FASTK: variants seen among roughly 807,000 people sequenced by gnomAD.
The protein encoded by FASTK is Fas activated serine/threonine kinase.
In FASTK, 28 loss-of-function variants were observed where a neutral mutation model predicts 60.0. That is an observed-to-expected ratio of 0.47 (90% CI 0.35 to 0.64). FASTK has a LOEUF of 0.64. Ranked by LOEUF, FASTK falls within the 30% of genes least tolerant of loss-of-function variation. The probability of loss-of-function intolerance (pLI) is 0.01; values close to 1 mark genes in which losing one functional copy is unlikely to be tolerated. For synonymous variants in FASTK, 325 were observed against 307.9 expected (o/e 1.06, Z -0.58); for missense variants, 595 against 713.8 (o/e 0.83, Z 1.90).
rs1404305955 is a variant in FASTK at position 151,079,693 on chromosome 7, C to T, written c.312G>A (p.Gln104=). The T allele has an allele frequency of 2.5e-6, 4 of 1,605,494 alleles. No homozygotes were observed. Among genetic ancestry groups the T allele is most frequent in the Non-Finnish European group, 8.5e-7 (1 of 1,176,670 alleles). Residue 104 remains glutamine (Q), a synonymous_variant, in exon 2 of 10, where the codon CAG becomes CAA. Coordinates refer to ENST00000297532, the MANE Select transcript of FASTK (RefSeq NM_006712.5). ...GGTGGGCGCGCACCTTGCTGGGGTT[C>T]TGGCCCAGCCAGCGCAGCAGCTCCC... is the stretch of plus-strand genomic sequence containing the variant. ...SPGELLRWLG[Q]NPSKVRAHHY... is the part of the protein sequence containing the mutation.
chr7:151,078,478 G>C (rs1180986225), intron 4 of FASTK, 84 bp downstream of exon 4: 8 of 1,475,482 alleles, frequency 5.4e-6, no homozygotes, highest in Non-Finnish European at 7.5e-6. Context: ...TCAGGAAAAG[G>C]ATAGCCGAGC....
chr7:151,079,357 C>T, intron 2 of FASTK, 143 bp downstream of exon 2: 1 of 808,816 alleles, frequency 1.2e-6, no homozygotes, highest in Non-Finnish European at 1.9e-6. Flanking sequence ...ATGATGTCTG[C>T]CGCAGACATA....
intron 1 of FASTK, 102 bp from the exon 2 acceptor site, chr7:151,080,024 G>T (rs1797900907): frequency 9.2e-7 from 1 of 1,087,920 alleles, no homozygotes; most frequent in South Asian, 1.6e-5. Flanking sequence ...CCTGTGGTCA[G>T]AGCAAGCCTT....
rs747666211 is a variant in FASTK at position 151,079,485 on chromosome 7, C to G, written c.505+15G>C. 1.6e-5 allele frequency: 25 copies of G among 1,572,062 alleles called. No homozygotes were observed. The South Asian group carries it at 2.8e-4, about 18-fold the overall frequency. On this transcript the variant is annotated intron_variant, in intron 2 of 9. Coordinates refer to ENST00000297532, the MANE Select transcript of FASTK (RefSeq NM_006712.5). Reference sequence around the variant, plus strand: ...CACCTAGCCCCCCAGGCGCCCACCTCAAGCCCCTCCTCACCAAGTAAGACT... The same window carrying G: ...CACCTAGCCCCCCAGGCGCCCACCTGAAGCCCCTCCTCACCAAGTAAGACT...
intron 1 of FASTK, chr7:151,080,240 G>A (rs760286552): frequency 5.2e-6 from 2 of 386,264 alleles, no homozygotes; most frequent in Non-Finnish European, 9.3e-6. Flanking sequence ...CGCAGGCCCA[G>A]AGCAGCGAAG....
At chr7:151,079,250 T>C in intron 2 of FASTK, 1 of 586,130 alleles carries the variant, frequency 1.7e-6, no homozygotes, top group South Asian at 2.5e-5. Flanking sequence ...TTTCATCTCA[T>C]ACCAATTGTG....
Position 151,080,668 on chromosome 7 carries a change from G to A in FASTK, c.82+17C>T. 3 of 1,437,198 alleles carry A rather than the reference G, an allele frequency of 2.1e-6. No homozygotes were observed. Among genetic ancestry groups the A allele is most frequent in the Admixed American group, 5.6e-5 (2 of 35,440 alleles). 89.0% of individuals were successfully genotyped at this position (1,437,198 alleles called of 1,614,324 possible). A position where few individuals can be genotyped will look rare whatever the true frequency, so the allele number is the denominator to read the frequency against. On this transcript the variant is annotated intron_variant, in intron 1 of 9. Coordinates refer to ENST00000297532, the MANE Select transcript of FASTK (RefSeq NM_006712.5). ...CCGCTGCCCTCCCGCAGCCCTCCCC[G>A]CAGGCGCCACCCCTACATGACTCCC...
chr7:151,079,119 T>A, intron 2 of FASTK, 98 bp from the exon 3 acceptor site: 1 of 1,131,748 alleles, frequency 8.8e-7, no homozygotes, highest in Non-Finnish European at 1.2e-6. Flanking sequence ...TCCTCTCCCG[T>A]TTCCTGAGCG....
At chr7:151,078,487 G>T in intron 4 of FASTK, 75 bp downstream of exon 4, 2 of 1,522,012 alleles carry the variant, frequency 1.3e-6, no homozygotes, top group Non-Finnish European at 9.0e-7. Context: ...GGATAGCCGA[G>T]CTGCACGAGG....
Position 151,077,101 on chromosome 7 carries a change from C to G in FASTK, c.1427G>C (p.Arg476Thr). 6.2e-7 allele frequency: 1 copy of G among 1,609,304 alleles called. No homozygotes were observed. The highest frequency in any genetic ancestry group is 8.5e-7 in the Non-Finnish European group (1 of 1,177,028). Residue 476 changes from arginine to threonine, a missense_variant and splice_region_variant, in exon 8 of 10, where the codon AGG (arginine) becomes ACG (threonine). Arg to Thr is a moderately conservative substitution (Grantham distance 71). This residue lies in a region of FASTK where 471 missense variants were observed against 605.9 expected (regional missense o/e 0.78). Transcript: ENST00000297532. ...GGCTCCCCCACCCTGCCTCCTTTAC[C>G]TCTGGGCAGGGTCTCGAGTAGTGGC... ...SSATTRDPAQ[R>T]VVLVLRERWH...
At position 151,077,912 on chromosome 7, in the gene FASTK, C is replaced by A; in HGVS notation, c.1006G>T (p.Val336Phe). ...RCLPFRALHF[V>F]FSPGFINYIS... ...TAGTTGATGAAGCCAGGGGAAAAAACAAAGTGCAGGGCTCTGAAGGGCAGG... is the reference window on the plus strand; with the variant it reads ...TAGTTGATGAAGCCAGGGGAAAAAAAAAAGTGCAGGGCTCTGAAGGGCAGG... The change falls in exon 5 of 10, where the codon GTT becomes TTT. Residue 336 changes from valine (V) to phenylalanine (F), a missense_variant. By Grantham distance (50) the Val-to-Phe change is conservative. Coordinates refer to ENST00000297532, the MANE Select transcript of FASTK (RefSeq NM_006712.5). 6.2e-7 allele frequency: 1 copy of A among 1,613,772 alleles called. No individual in the cohort carries two copies.
chr7:151,077,994 T>G lies in FASTK; in HGVS notation c.924A>C (p.Ala308=), dbSNP rs1797764112. 1 of 1,612,872 alleles carries G rather than the reference T, an allele frequency of 6.2e-7. No individual in the cohort carries two copies. The highest frequency in any genetic ancestry group is 8.5e-7 in the Non-Finnish European group (1 of 1,179,148). Residue 308 remains alanine (A), a synonymous_variant, in exon 5 of 10, where the codon GCA becomes GCC. Transcript: ENST00000297532. The part of the protein sequence containing the change: ...PCLERILARE[A]GVAPLATVNI... ...TGACTGTAGCCAGGGGTGCCACCCC[T>G]GCTTCCCGAGCCAGGATCCTCTCAA... is the stretch of plus-strand genomic sequence containing the variant.
At chr7:151,080,390 T>C in intron 1 of FASTK, 2 of 1,020,350 alleles carry the variant, frequency 2.0e-6, no homozygotes, top group Non-Finnish European at 2.5e-6. Context: ...GAACGCGGGC[T>C]CCGCGGCTGG....
Position 151,078,973 on chromosome 7 carries a change from C to T in FASTK, c.554G>A (p.Arg185Lys), listed in dbSNP as rs1347383877. Residue 185 changes from arginine (R) to lysine (K), a missense_variant, in exon 3 of 10, where the codon AGG becomes AAG. Physicochemically the swap from Arg to Lys is conservative, Grantham distance 26. Around this residue, in one of 2 missense-constraint regions of FASTK, gnomAD observed 471 missense variants for 605.9 expected, o/e 0.78. Transcript: ENST00000297532. Reference protein sequence around the residue: ...PLVCALEQERRLRLPPKPPPP... With the variant: ...PLVCALEQERKLRLPPKPPPP... ...AGGTGGCTTCGGAGGGAGGCGGAGC[C>T]TTCGCTCCTGTTCCAGGGCACACAC... 2 of 1,546,600 alleles carry T rather than the reference C, an allele frequency of 1.3e-6. No homozygotes were observed. Among genetic ancestry groups the T allele is most frequent in the South Asian group, 2.4e-5 (2 of 81,928 alleles).
Position 151,078,054 on chromosome 7 carries a change from G to A in FASTK, c.864C>T (p.Asn288=). 1 of 1,599,798 alleles carries A rather than the reference G, an allele frequency of 6.3e-7. No individual in the cohort carries two copies. Among genetic ancestry groups the A allele is most frequent in the Non-Finnish European group, 8.6e-7 (1 of 1,168,290 alleles). ...QKLVLPFGRL[N]YLPLEQQFMP... is the part of the protein sequence containing the mutation. Reference sequence around the variant, plus strand: ...TAAACTGCTGTTCCAGGGGCAGGTAGTTCAGTCGCCCAAAGGGCAGGACCA... The same window carrying A: ...TAAACTGCTGTTCCAGGGGCAGGTAATTCAGTCGCCCAAAGGGCAGGACCA... The change falls in exon 5 of 10, where the codon AAC becomes AAT. Residue 288 remains asparagine (N), a synonymous_variant. Transcript: ENST00000297532.
chr7:151,079,176 T>C (rs968485349), intron 2 of FASTK, 155 bp from the exon 3 acceptor site: 7 of 668,044 alleles, frequency 1.0e-5, no homozygotes, highest in Non-Finnish European at 2.4e-6. Flanking sequence ...ACATGTAAAG[T>C]ATCATGTGGC....
At chr7:151,080,166 T>G in intron 1 of FASTK, 2 of 525,440 alleles carry the variant, frequency 3.8e-6, no homozygotes, top group South Asian at 5.5e-5. Context: ...CCATCTCTGA[T>G]GCTCCTTACA....
chr7:151,077,633 C>G lies in FASTK; in HGVS notation c.1187G>C (p.Arg396Pro). Residue 396 changes from arginine to proline, a missense_variant, in exon 6 of 10, where the codon CGC becomes CCC. Arg to Pro is a moderately radical substitution (Grantham distance 103, BLOSUM62 -2). Transcript: ENST00000297532. ...FPQPLITDRA[R>P]CKYSHKDIVA... ...CTGCCCCATCCACCTGTACTTGCAG[C>G]GGGCACGGTCGGTGATGAGAGGCTG... 6.5e-7 allele frequency: 1 copy of G among 1,546,104 alleles called. No homozygotes were observed. The highest frequency in any genetic ancestry group is 8.7e-7 in the Non-Finnish European group (1 of 1,145,440).
chr7:151,079,501 A>C lies in FASTK; in HGVS notation c.504T>G (p.Leu168=), dbSNP rs1267786692. 1.9e-6 allele frequency: 3 copies of C among 1,590,048 alleles called. No individual in the cohort carries two copies. In the African/African-American group the frequency reaches 4.0e-5, roughly 21 times the overall value. The change falls in exon 2 of 10, where the codon CTT becomes CTG. Residue 168 remains leucine (L), a splice_region_variant and synonymous_variant. Transcript: ENST00000297532. ...CGCCCACCTCAAGCCCCTCCTCACC[A>C]AGTAAGACTGCAAGGTGCAGACACA... ...IHVCLHLAVL[L]GFPSDGPLVC...
Sources: allele counts gnomAD v4.1 joint callset, GRCh38; gene constraint gnomAD v4.1.1; regional missense constraint gnomAD v4.1.1; transcripts MANE v1.5; gene names NCBI Gene and HGNC (gene_info 2026-07-23, HGNC 2026-07-21).